Variants in C12orf76 observed in about 807,000 individuals in gnomAD.
The protein encoded by C12orf76 is uncharacterized protein C12orf76.
C12orf76 carries 6 observed loss-of-function variants against 6.8 expected under a neutral mutation model. That is an observed-to-expected ratio of 0.88 (90% CI 0.48 to 1.73). The LOEUF is 1.73. Ranked by LOEUF, C12orf76 falls within the 40% of genes most tolerant of loss-of-function variation. The probability of loss-of-function intolerance (pLI) is 0.01; values close to 1 mark genes in which losing one functional copy is unlikely to be tolerated. For missense variants in C12orf76, 99 were observed against 98.2 expected (o/e 1.01, Z -0.03); for synonymous variants, 56 against 43.7 (o/e 1.28, Z -1.11).
At chr12:110,060,536 C>A (rs1892752428) in intron 2 of C12orf76, among the ~76,000 whole-genome samples, 1 of 152,156 alleles carries the variant, frequency 6.6e-6, no homozygotes, top group Non-Finnish European at 1.5e-5. Flanking sequence ...TTGCAGGAAT[C>A]CACCTTTGCC....
At chr12:110,058,928 T>TC (rs1268925728) in intron 3 of C12orf76, 11 of 1,468,820 alleles carry the variant, frequency 7.5e-6, no homozygotes, top group African/African-American at 2.9e-5. Context: ...CAATTCTTAC[T>TC]CCCCCCCACC....
At chr12:110,063,044 A>T (rs1892799862) in intron 2 of C12orf76, among the ~76,000 whole-genome samples, 3 of 151,308 alleles carry the variant, frequency 2.0e-5, no homozygotes. Context: ...GGTTCAAGTG[A>T]TTCTCCTGCC....
At chr12:110,065,815 T>C (rs1892849011) in intron 2 of C12orf76, 1 of 1,614,112 alleles carries the variant, frequency 6.2e-7, no homozygotes, top group East Asian at 2.2e-5. Flanking sequence ...ATTCCAACTC[T>C]TCCCCTGTCC....
At chr12:110,048,797 T>G (rs1892521155), upstream of C12orf76, 1 of 441,584 alleles carries the variant, frequency 2.3e-6, no homozygotes, top group South Asian at 9.6e-5. Flanking sequence ...GTCGAGGTCT[T>G]GTAGGTCCAT....
In C12orf76 at chr12:110,048,364, C is replaced by T. The variant is rs922394733; in HGVS notation, c.132G>A (p.Leu44=). The T allele has an allele frequency of 3.3e-6, 5 of 1,508,930 alleles. No individual in the cohort carries two copies. The Admixed American group carries it at 1.1e-4, about 32-fold the overall frequency. The allele number at this position is 1,508,930 out of a possible 1,614,324, so 93.5% of individuals were successfully genotyped here. ...RPYAVLRGQN[L]VLMGTIFSIL... ...CCCGCCAGCCCGAGGGCCGCTCACC[C>T]AGGTTCTGCCCTCGCAGCACCGCGT... The change falls in exon 1 of 2, where the codon CTG becomes CTA. Residue 44 remains leucine (L), a splice_region_variant and synonymous_variant. Coordinates refer to ENST00000615315, the MANE Select transcript of C12orf76 (RefSeq NM_001389625.1).
In C12orf76 at chr12:110,057,179, G is replaced by T. The variant is rs750629474; in HGVS notation, n.664+10C>A. 6 of 1,590,960 alleles carry T rather than the reference G, an allele frequency of 3.8e-6. No individual in the cohort carries two copies. In the South Asian group the frequency reaches 5.5e-5, roughly 15 times the overall value. ...CATGCTCTGAATATAAGTGACTTTC[G>T]CAGACTTACCTTGGCATTGCAGGTA... On this transcript the variant is annotated intron_variant and non_coding_transcript_variant, in intron 4 of 4. Coordinates refer to the C12orf76 transcript ENST00000309050.
chr12:110,068,319 GAA>G (rs1566080283), upstream of C12orf76, among the ~76,000 whole-genome samples: 147 of 142,280 alleles, frequency 1.0e-3, 3 homozygotes, highest in African/African-American at 3.5e-3. Flanking sequence ...AGAAGAAGAA[GAA>G]GAAGAAGAAG....
chr12:110,068,803 G>C (rs1892925155), upstream of C12orf76, among the ~76,000 whole-genome samples: 1 of 152,190 alleles, frequency 6.6e-6, no homozygotes, highest in South Asian at 2.1e-4. Flanking sequence ...ACTGTAACCT[G>C]AACATTGCTC....
chr12:110,048,523 G>A (rs1310517462), upstream of C12orf76: 2 of 1,385,792 alleles, frequency 1.4e-6, no homozygotes, highest in East Asian at 6.0e-5. Context: ...AAGCAGAGAG[G>A]CCACTTCCGT....
rs118105810 is a variant in C12orf76 at position 110,064,749 on chromosome 12, G to T, written n.380+1111C>A. ...GCCTTCTCGGCCACTGTACACGCCA[G>T]TTGCAGGCCTGTGAAGAAGCCAGAC... On this transcript the variant is annotated intron_variant and non_coding_transcript_variant, in intron 2 of 4. Coordinates refer to the C12orf76 transcript ENST00000309050. 2.5e-4 allele frequency among the ~76,000 whole-genome samples: 38 copies of T among 152,204 alleles called. No homozygotes were observed. The East Asian group carries it at 6.2e-3, about 25-fold the overall frequency.
upstream of C12orf76, among the ~76,000 whole-genome samples, chr12:110,072,589 C>T (rs1037359264): frequency 1.3e-5 from 2 of 151,752 alleles, no homozygotes; most frequent in Non-Finnish European, 2.9e-5. Flanking sequence ...AAATTGTACC[C>T]TTAAATGGTG....
Position 110,041,404 on chromosome 12 carries a change from TGAC to T in C12orf76, c.*967_*969del, listed in dbSNP as rs1892307432. On this transcript the variant is annotated 3_prime_UTR_variant, in exon 2 of 2. Transcript: ENST00000615315. Reference sequence around the variant, plus strand: ...AAATCTAGCACCTTGAAATAAATATTGACGACAGCTTTATAAGTATGAAAGTAT... The same window carrying T: ...AAATCTAGCACCTTGAAATAAATATTGACAGCTTTATAAGTATGAAAGTAT... The T allele has an allele frequency of 6.6e-6, 1 of 152,596 alleles. No individual in the cohort carries two copies. The highest frequency in any genetic ancestry group is 2.4e-5 in the African/African-American group (1 of 41,454). 9.5% of individuals were successfully genotyped at this position (152,596 alleles called of 1,614,324 possible).
exon 2 of C12orf76, chr12:110,065,965 T>C (rs11829777): frequency 0.2 from 315,257 of 1,612,262 alleles, 39,520 homozygotes; most frequent in African/African-American, 0.64. Flanking sequence ...TTCTTCTCCT[T>C]CTATGGGGTC....
upstream of C12orf76, chr12:110,050,753 G>T: frequency 1.8e-6 from 1 of 557,518 alleles, no homozygotes; most frequent in Non-Finnish European, 3.2e-6. Context: ...GGGCTACTCT[G>T]TCTATGGAGT....
intron 1 of C12orf76, chr12:110,042,662 T>C (rs1892344413): frequency 4.4e-6 from 3 of 685,680 alleles, no homozygotes; most frequent in Non-Finnish European, 7.9e-6. Context: ...TTCACATAGC[T>C]TGATATACCG....
At chr12:110,058,366 T>A (rs953077044) in intron 3 of C12orf76, among the ~76,000 whole-genome samples, 28 of 152,160 alleles carry the variant, frequency 1.8e-4, no homozygotes, top group Non-Finnish European at 4.0e-4. Context: ...ATTGAATATA[T>A]GAAACTGCCC....
At chr12:110,065,622 A>G (rs1178428621) in intron 2 of C12orf76, among the ~76,000 whole-genome samples, 2 of 152,036 alleles carry the variant, frequency 1.3e-5, no homozygotes, top group Non-Finnish European at 2.9e-5. Flanking sequence ...TTCCAGCCCA[A>G]GTCTCCATCC....
chr12:110,063,229 C>T (rs939765097), intron 2 of C12orf76, among the ~76,000 whole-genome samples: 2 of 152,012 alleles, frequency 1.3e-5, no homozygotes, highest in Admixed American at 1.3e-4. Flanking sequence ...CATGAGCCAC[C>T]ACACCCAGCC....
upstream of C12orf76, among the ~76,000 whole-genome samples, chr12:110,069,199 G>C (rs1404138183): frequency 6.6e-6 from 1 of 152,178 alleles, no homozygotes; most frequent in Non-Finnish European, 1.5e-5. Flanking sequence ...CCAGCATTTT[G>C]GGAGGCCAAG....
Sources: allele counts gnomAD v4.1 joint callset (sites outside exome capture counted in the v4.1 genomes callset), GRCh38; gene constraint gnomAD v4.1.1; transcripts MANE v1.5; gene names NCBI Gene and HGNC (gene_info 2026-07-23, HGNC 2026-07-21).